LRP5: variants seen among roughly 807,000 people sequenced by gnomAD.
LRP5 encodes LDL receptor related protein 5.
LRP5 carries 62 observed loss-of-function variants against 154.1 expected under a neutral mutation model. The ratio of observed to expected loss-of-function variants is 0.40; its 90% CI spans 0.33 to 0.50. The LOEUF is 0.50. LRP5 is among the 20% of genes least tolerant of loss of function. The probability of loss-of-function intolerance (pLI) is 0.55; values close to 1 mark genes in which losing one functional copy is unlikely to be tolerated. For synonymous variants in LRP5, 966 were observed against 1,011.5 expected (o/e 0.96, Z 0.85); for missense variants, 1,915 against 2,336.7 (o/e 0.82, Z 3.72).
At chr11:68,318,347 CT>C (rs777922038) in intron 1 of LRP5, among the ~76,000 whole-genome samples, 495 of 127,618 alleles carry the variant, frequency 3.9e-3, no homozygotes, top group Admixed American at 4.2e-3. Context: ...ACCCGGCCTG[CT>C]TTTTTTTTTT....
At chr11:68,326,173 G>C (rs1167642143) in intron 1 of LRP5, among the ~76,000 whole-genome samples, 1 of 152,226 alleles carries the variant, frequency 6.6e-6, no homozygotes, top group Non-Finnish European at 1.5e-5. Context: ...TGGGCTCTAG[G>C]AGTCTGGGGG....
intron 21 of LRP5, among the ~76,000 whole-genome samples, chr11:68,440,812 G>A (rs1392117837): frequency 6.6e-6 from 1 of 151,898 alleles, no homozygotes; most frequent in East Asian, 1.9e-4. Context: ...TGTTGCCCAG[G>A]CTTCAGTGCA....
At chr11:68,431,218 C>G (rs2098671664) in intron 17 of LRP5, among the ~76,000 whole-genome samples, 1 of 148,584 alleles carries the variant, frequency 6.7e-6, no homozygotes, top group Non-Finnish European at 1.5e-5. Flanking sequence ...GCAGCACACA[C>G]TGGCTGTGCA....
Position 68,438,637 on chromosome 11 carries a change from C to T in LRP5, c.4303C>T (p.Leu1435Phe), listed in dbSNP as rs2098676409. Reference sequence around the variant, plus strand: ...TGTCAGCGGGACCCCGCACGTGCCCCTCAATTTCATAGCCCCGGGCGGTTC... The same window carrying T: ...TGTCAGCGGGACCCCGCACGTGCCCTTCAATTTCATAGCCCCGGGCGGTTC... The part of the protein sequence containing the change: ...EYVSGTPHVP[L>F]NFIAPGGSQH... Residue 1435 changes from leucine (L) to phenylalanine (F), a missense_variant, in exon 20 of 23, where the codon CTC becomes TTC. By Grantham distance (22) the Leu-to-Phe change is conservative. Transcript: ENST00000294304. 3.7e-6 allele frequency: 6 copies of T among 1,613,552 alleles called. No individual in the cohort carries two copies. Among genetic ancestry groups the T allele is most frequent in the Non-Finnish European group, 5.1e-6 (6 of 1,179,990 alleles).
chr11:68,325,127 G>T (rs1472367384), intron 1 of LRP5, among the ~76,000 whole-genome samples: 1 of 152,156 alleles, frequency 6.6e-6, no homozygotes, highest in African/African-American at 2.4e-5. Context: ...CCCTGACCAA[G>T]GCCCTTCTGG....
At chr11:68,361,907 A>T (rs2098628330) in intron 3 of LRP5, among the ~76,000 whole-genome samples, 1 of 152,236 alleles carries the variant, frequency 6.6e-6, no homozygotes, top group African/African-American at 2.4e-5. Context: ...TGACCCAGCA[A>T]TTCCGCTCCT....
At chr11:68,417,232 C>A (rs1268626674) in intron 13 of LRP5, among the ~76,000 whole-genome samples, 1 of 151,940 alleles carries the variant, frequency 6.6e-6, no homozygotes, top group Non-Finnish European at 1.5e-5. Flanking sequence ...AAGTTCTCAC[C>A]CCAGGCGTGG....
intron 21 of LRP5, among the ~76,000 whole-genome samples, chr11:68,442,668 G>C (rs556238920): frequency 6.6e-6 from 1 of 152,240 alleles, no homozygotes. Flanking sequence ...AAAAGCTGCT[G>C]TTCTGAGCAT....
chr11:68,341,207 C>T (rs531466033), intron 1 of LRP5, among the ~76,000 whole-genome samples: 1 of 151,878 alleles, frequency 6.6e-6, no homozygotes, highest in South Asian at 2.1e-4. Flanking sequence ...GTTCATGATG[C>T]GGCAGTCACC....
In LRP5 at chr11:68,312,693, G is replaced by A; in HGVS notation, c.-22G>A. ...TGGAGCCCGAGTGAGCGCGGCGCGG[G>A]CCCGTCCGGCCGCCGGACAACATGG... is the stretch of plus-strand genomic sequence containing the variant. On this transcript the variant is annotated 5_prime_UTR_variant, in exon 1 of 23. Coordinates refer to ENST00000294304, the MANE Select transcript of LRP5 (RefSeq NM_002335.4). 2.0e-6 allele frequency: 2 copies of A among 993,816 alleles called. No homozygotes were observed. The highest frequency in any genetic ancestry group is 6.0e-5 in the Admixed American group (1 of 16,618). 61.6% of individuals were successfully genotyped at this position (993,816 alleles called of 1,614,324 possible). A position where few individuals can be genotyped will look rare whatever the true frequency, so the allele number is the denominator to read the frequency against.
chr11:68,334,573 T>C (rs1013098380), intron 1 of LRP5, among the ~76,000 whole-genome samples: 1 of 152,104 alleles, frequency 6.6e-6, no homozygotes, highest in Non-Finnish European at 1.5e-5. Flanking sequence ...TAGATGCATG[T>C]GTGTATAAAA....
At chr11:68,365,395 G>A (rs964927775) in intron 4 of LRP5, among the ~76,000 whole-genome samples, 176 bp from the exon 5 acceptor site, 46 of 151,880 alleles carry the variant, frequency 3.0e-4, no homozygotes, top group East Asian at 1.2e-3. Context: ...ACGGGCCAGC[G>A]ATGAGGCAGG....
At chr11:68,307,935 A>C (rs529753564), upstream of LRP5, among the ~76,000 whole-genome samples, 83 of 152,354 alleles carry the variant, frequency 5.4e-4, no homozygotes, top group African/African-American at 1.9e-3. Flanking sequence ...CACTTTTTGA[A>C]TGCAGAAACT....
chr11:68,411,277 G>A (rs1002826268), intron 10 of LRP5, among the ~76,000 whole-genome samples, 159 bp from the exon 11 acceptor site: 1 of 152,224 alleles, frequency 6.6e-6, no homozygotes, highest in Non-Finnish European at 1.5e-5. Flanking sequence ...GTGTGGCAGG[G>A]GTCGAGGGTC....
At chr11:68,359,900 C>T (rs927300856) in intron 3 of LRP5, among the ~76,000 whole-genome samples, 2 of 151,952 alleles carry the variant, frequency 1.3e-5, no homozygotes, top group Non-Finnish European at 2.9e-5. Flanking sequence ...GATTCTCCTG[C>T]CTCAGCCTCC....
intron 13 of LRP5, among the ~76,000 whole-genome samples, chr11:68,418,945 G>C (rs1408427403): frequency 6.6e-6 from 1 of 152,160 alleles, no homozygotes; most frequent in Non-Finnish European, 1.5e-5. Context: ...TTCTTTTATG[G>C]TGTCTGCTAG....
intron 21 of LRP5, chr11:68,445,530 T>C (rs1234993914): frequency 8.6e-7 from 1 of 1,163,620 alleles, no homozygotes; most frequent in Admixed American, 2.3e-5. Flanking sequence ...GAGAACTGAG[T>C]CCCTCGGGCA....
chr11:68,416,678 G>C, intron 13 of LRP5, 151 bp downstream of exon 13: 1 of 734,810 alleles, frequency 1.4e-6, no homozygotes, highest in Non-Finnish European at 2.3e-6. Flanking sequence ...GTAGTCACAG[G>C]GTATGACCCT....
intron 1 of LRP5, among the ~76,000 whole-genome samples, chr11:68,343,758 C>T (rs919859116): frequency 7.9e-5 from 12 of 152,148 alleles, no homozygotes; most frequent in East Asian, 3.9e-4. Context: ...GTGCTGCTTC[C>T]GTCTCGGAAG....
Sources: allele counts gnomAD v4.1 joint callset (sites outside exome capture counted in the v4.1 genomes callset), GRCh38; gene constraint gnomAD v4.1.1; transcripts MANE v1.5; gene names NCBI Gene and HGNC (gene_info 2026-07-23, HGNC 2026-07-21).